CCDC192: variants seen among roughly 807,000 people sequenced by gnomAD.
CCDC192 encodes coiled-coil domain containing 192.
At chr5:127,761,765 A>T (rs1754945479) in intron 3 of CCDC192, among the ~76,000 whole-genome samples, 1 of 152,150 alleles carries the variant, frequency 6.6e-6, no homozygotes, top group African/African-American at 2.4e-5. Flanking sequence ...TTCTTCAGGT[A>T]TATTTATGTG....
intron 2 of CCDC192, among the ~76,000 whole-genome samples, chr5:127,710,874 G>C (rs1334914942): frequency 6.6e-6 from 1 of 152,186 alleles, no homozygotes; most frequent in East Asian, 1.9e-4. Context: ...AATCCAGTAA[G>C]ACTTTGTTTA....
intron 6 of CCDC192, among the ~76,000 whole-genome samples, chr5:127,902,391 A>G (rs1753061548): frequency 6.6e-6 from 1 of 151,952 alleles, no homozygotes; most frequent in African/African-American, 2.4e-5. Flanking sequence ...GGGTCCTGAC[A>G]TTCACAACAT....
intron 2 of CCDC192, among the ~76,000 whole-genome samples, chr5:127,752,973 C>A (rs1580597768): frequency 6.6e-6 from 1 of 152,100 alleles, no homozygotes; most frequent in South Asian, 2.1e-4. Flanking sequence ...TGCTTTGGGT[C>A]GCGTCGGTGT....
chr5:127,735,533 C>A (rs1356466099), intron 2 of CCDC192, among the ~76,000 whole-genome samples: 1 of 76,842 alleles, frequency 1.3e-5, no homozygotes, highest in Non-Finnish European at 2.6e-5. Context: ...TGGTCATTTT[C>A]ACAATATTGA....
intron 3 of CCDC192, among the ~76,000 whole-genome samples, chr5:127,774,844 C>T (rs1755767715): frequency 6.6e-6 from 1 of 152,220 alleles, no homozygotes; most frequent in African/African-American, 2.4e-5. Context: ...TGCTTTGAGG[C>T]ATATTGCCAT....
rs371135106 is a variant in CCDC192, at chr5:127,828,065, C to T, written c.411+29903C>T. 2.0e-5 allele frequency among the ~76,000 whole-genome samples: 3 copies of T among 152,146 alleles called. No homozygotes were observed. In the South Asian group the frequency reaches 6.2e-4, roughly 32 times the overall value. ...GGGATTACAGGCACCTGCCACCATG[C>T]CCGGCTAATTTTCATATTTTTAGTA... On this transcript the variant is annotated intron_variant, in intron 5 of 6. Coordinates refer to ENST00000514853, the MANE Select transcript of CCDC192 (RefSeq NM_001317938.2).
chr5:127,922,684 T>A (rs1399282098), intron 6 of CCDC192, among the ~76,000 whole-genome samples: 2 of 152,210 alleles, frequency 1.3e-5, no homozygotes, highest in Non-Finnish European at 2.9e-5. Context: ...GAGGCTGAAG[T>A]GAGCTGGGAT....
At chr5:127,779,740 T>A (rs1417787109) in intron 3 of CCDC192, among the ~76,000 whole-genome samples, 3 of 152,192 alleles carry the variant, frequency 2.0e-5, no homozygotes, top group Non-Finnish European at 4.4e-5. Flanking sequence ...AAAATGTTTT[T>A]ATTTTTCCAT....
At chr5:127,814,557 A>G (rs1758269205) in intron 5 of CCDC192, among the ~76,000 whole-genome samples, 1 of 152,250 alleles carries the variant, frequency 6.6e-6, no homozygotes, top group Non-Finnish European at 1.5e-5. Context: ...AGCATGTTTA[A>G]TGCTTATAAA....
At chr5:127,898,577 G>A (rs576474154) in intron 6 of CCDC192, among the ~76,000 whole-genome samples, 2 of 152,244 alleles carry the variant, frequency 1.3e-5, no homozygotes, top group African/African-American at 4.8e-5. Context: ...TGAGAAGGAG[G>A]GAGGAGGAAG....
chr5:127,838,655 T>C (rs1047493982), intron 5 of CCDC192: 4 of 152,182 alleles, frequency 2.6e-5, no homozygotes, highest in African/African-American at 9.7e-5. Flanking sequence ...GATGGTTACT[T>C]GTACATTTCA....
At chr5:127,725,131 A>G (rs1752249663) in intron 2 of CCDC192, among the ~76,000 whole-genome samples, 1 of 152,236 alleles carries the variant, frequency 6.6e-6, no homozygotes, top group Non-Finnish European at 1.5e-5. Flanking sequence ...ATATTGTCAT[A>G]TATGCAATTA....
chr5:127,730,067 A>G (rs1193117143), intron 2 of CCDC192, among the ~76,000 whole-genome samples: 1 of 152,162 alleles, frequency 6.6e-6, no homozygotes, highest in Non-Finnish European at 1.5e-5. Flanking sequence ...CCTTCCAAAA[A>G]TCAATTAATC....
intron 5 of CCDC192, among the ~76,000 whole-genome samples, chr5:127,807,581 CCTT>C (rs1757859928): frequency 6.6e-6 from 1 of 151,962 alleles, no homozygotes; most frequent in African/African-American, 2.4e-5. Flanking sequence ...TTCAATCAGT[CCTT>C]CAGTCAATCA....
intron 5 of CCDC192, among the ~76,000 whole-genome samples, chr5:127,855,425 C>T (rs541061924): frequency 1.3e-5 from 2 of 152,266 alleles, no homozygotes; most frequent in African/African-American, 4.8e-5. Flanking sequence ...CTACTTGCAC[C>T]ACATCTGCAG....
At chr5:127,769,413 ATG>A (rs140726654) in intron 3 of CCDC192, among the ~76,000 whole-genome samples, 347 of 145,690 alleles carry the variant, frequency 2.4e-3, no homozygotes, top group African/African-American at 4.8e-3. Context: ...TTTTGTGTGT[ATG>A]TGTGTGTGTG....
At chr5:127,736,646 G>T (rs1317473932) in intron 2 of CCDC192, among the ~76,000 whole-genome samples, 1 of 151,714 alleles carries the variant, frequency 6.6e-6, no homozygotes, top group Non-Finnish European at 1.5e-5. Flanking sequence ...CTTCTTCCTG[G>T]TTTAGTCTTG....
At chr5:127,930,111 G>A (rs1406472975) in intron 6 of CCDC192, among the ~76,000 whole-genome samples, 1 of 152,208 alleles carries the variant, frequency 6.6e-6, no homozygotes, top group Non-Finnish European at 1.5e-5. Context: ...GCTGATGCAG[G>A]AGAATCGCTT....
chr5:127,876,751 C>T (rs939623235), intron 6 of CCDC192, among the ~76,000 whole-genome samples: 14 of 152,076 alleles, frequency 9.2e-5, no homozygotes, highest in East Asian at 7.7e-4. Context: ...AGGAAGCAGG[C>T]GATGTGGTAG....
Sources: allele counts gnomAD v4.1 joint callset (sites outside exome capture counted in the v4.1 genomes callset), GRCh38; gene constraint gnomAD v4.1.1; transcripts MANE v1.5; gene names NCBI Gene and HGNC (gene_info 2026-07-23, HGNC 2026-07-21).